ADAMTSL1: variants seen among roughly 807,000 people sequenced by gnomAD.
ADAMTSL1 encodes the protein ADAMTS-like protein 1.
Under a neutral mutation model 201.8 loss-of-function variants are expected in ADAMTSL1, and 126 were observed. The ratio of observed to expected loss-of-function variants is 0.62; its 90% confidence interval spans 0.54 to 0.72. The LOEUF is 0.72. Among genes scored for constraint, ADAMTSL1 ranks in the 30% least tolerant of loss-of-function variants. The pLI, the probability that ADAMTSL1 is intolerant of heterozygous loss-of-function variation, is 0.00. For missense variants in ADAMTSL1, 2,679 were observed against 2,277.8 expected, an observed-to-expected ratio of 1.18 and a Z score of -3.59; for synonymous variants, 1,121 against 903.4, an observed-to-expected ratio of 1.24 and a Z score of -4.32.
intron 2 of ADAMTSL1, among the ~76,000 whole-genome samples, chr9:18,460,639 G>A (rs954485208): frequency 2.0e-5 from 3 of 152,164 alleles, no homozygotes; most frequent in Non-Finnish European, 2.9e-5. Context: ...GTTTACACCA[G>A]GGTACTATCG....
chr9:18,368,294 C>T (rs915815572), intron 2 of ADAMTSL1, among the ~76,000 whole-genome samples: 1 of 152,138 alleles, frequency 6.6e-6, no homozygotes, highest in Non-Finnish European at 1.5e-5. Context: ...ATTGCCACTA[C>T]ACGACTTTCA....
intron 2 of ADAMTSL1, among the ~76,000 whole-genome samples, chr9:18,394,140 A>G (rs975560362): frequency 2.0e-5 from 3 of 151,740 alleles, no homozygotes; most frequent in Non-Finnish European, 2.9e-5. Flanking sequence ...TGTTGCTTTA[A>G]CTTTAAAAGT....
intron 1 of ADAMTSL1, among the ~76,000 whole-genome samples, chr9:17,994,009 G>T (rs545976581): frequency 4.0e-5 from 6 of 151,136 alleles, no homozygotes; most frequent in Admixed American, 3.3e-4. Context: ...TTTTTAATTC[G>T]ATTTTTTTTG....
chr9:18,405,255 C>T (rs1038497439), intron 2 of ADAMTSL1, among the ~76,000 whole-genome samples: 6 of 152,202 alleles, frequency 3.9e-5, no homozygotes, highest in Non-Finnish European at 8.8e-5. Context: ...CAAATACCTT[C>T]TATTCAGTGT....
At chr9:18,626,265 G>A (rs1826354196) in intron 5 of ADAMTSL1, among the ~76,000 whole-genome samples, 1 of 152,170 alleles carries the variant, frequency 6.6e-6, no homozygotes, top group Non-Finnish European at 1.5e-5. Flanking sequence ...AAACAAACCA[G>A]AGCAGGAGAA....
chr9:18,101,017 T>A (rs942100829), intron 1 of ADAMTSL1, among the ~76,000 whole-genome samples: 4 of 152,194 alleles, frequency 2.6e-5, no homozygotes, highest in African/African-American at 7.2e-5. Context: ...CATGGGGATA[T>A]GCTGTCACAT....
chr9:18,599,026 C>T (rs1373071221), intron 4 of ADAMTSL1, among the ~76,000 whole-genome samples: 1 of 152,088 alleles, frequency 6.6e-6, no homozygotes, highest in Non-Finnish European at 1.5e-5. Flanking sequence ...GGATTTCTGT[C>T]TCCTCCCTAC....
rs571364817 is a variant in ADAMTSL1, at chr9:18,209,525, A to G, written c.207+45544A>G. 1.1e-4 allele frequency among the ~76,000 whole-genome samples: 17 copies of G among 152,296 alleles called. 1 individual carries two copies. The South Asian group carries it at 2.7e-3, about 24-fold the overall frequency. On this transcript the variant is annotated intron_variant, in intron 2 of 29. Coordinates refer to the ADAMTSL1 transcript ENST00000680146. The stretch of plus-strand genomic sequence containing the variant: ...GTCTAGATTTAGTAAATGGAGCTTA[A>G]TTTTATAAAGCTAAAGGGAGGTCCC...
chr9:18,377,374 G>A lies in ADAMTSL1; in HGVS notation c.208-127455G>A, dbSNP rs547754566. Among the ~76,000 whole-genome samples the A allele has an allele frequency of 4.7e-4, 71 of 152,276 alleles. No homozygotes were observed. In the South Asian group the frequency reaches 0.014, roughly 31 times the overall value. On this transcript the variant is annotated intron_variant, in intron 2 of 29. Coordinates refer to the ADAMTSL1 transcript ENST00000680146. ...GTTTAAAGCATTCTTTCTGATAGTAGAATTATTGTCTACATCCAGATATCG... is the reference window on the plus strand; with the variant it reads ...GTTTAAAGCATTCTTTCTGATAGTAAAATTATTGTCTACATCCAGATATCG...
At chr9:18,192,963 A>G (rs923429916) in intron 2 of ADAMTSL1, among the ~76,000 whole-genome samples, 29 of 152,166 alleles carry the variant, frequency 1.9e-4, no homozygotes, top group African/African-American at 6.5e-4. Flanking sequence ...TAATATACAC[A>G]GGAACTATCT....
At chr9:18,138,950 A>G (rs969126696) in intron 1 of ADAMTSL1, among the ~76,000 whole-genome samples, 1 of 152,156 alleles carries the variant, frequency 6.6e-6, no homozygotes, top group South Asian at 2.1e-4. Flanking sequence ...ATGTGTGTGT[A>G]TGAGGAAGAC....
intron 23 of ADAMTSL1, among the ~76,000 whole-genome samples, chr9:18,878,816 T>C (rs1042564888): frequency 6.6e-6 from 1 of 152,178 alleles, no homozygotes; most frequent in Non-Finnish European, 1.5e-5. Context: ...CTATCTGCCA[T>C]TTTTCCCCTC....
chr9:18,545,687 C>A (rs1170759291), intron 3 of ADAMTSL1, among the ~76,000 whole-genome samples: 1 of 152,152 alleles, frequency 6.6e-6, no homozygotes, highest in East Asian at 1.9e-4. Flanking sequence ...TCAGAATTTA[C>A]TTTCTCAAGT....
chr9:18,663,159 T>C (rs1196541760), intron 9 of ADAMTSL1, among the ~76,000 whole-genome samples: 1 of 152,164 alleles, frequency 6.6e-6, no homozygotes, highest in Non-Finnish European at 1.5e-5. Context: ...TTGAGGTGTA[T>C]ATTCCTCTAC....
rs1350306335 is a variant in ADAMTSL1, at chr9:18,222,600, A to G, written c.207+58619A>G. ...TTTATCTCATAAATTAGTTATTAGC[A>G]TTGTATATTCCAATCAGTATTTGTT... On this transcript the variant is annotated intron_variant, in intron 2 of 29. Coordinates refer to the ADAMTSL1 transcript ENST00000680146. 4.1e-5 allele frequency among the ~76,000 whole-genome samples: 6 copies of G among 145,264 alleles called. No homozygotes were observed. In the South Asian group the frequency reaches 1.3e-3, roughly 31 times the overall value.
In ADAMTSL1 at chr9:18,721,517, C is replaced by T; in HGVS notation, c.1877-19C>T. The T allele has an allele frequency of 1.2e-6, 2 of 1,613,030 alleles. No individual in the cohort carries two copies. Among genetic ancestry groups the T allele is most frequent in the South Asian group, 1.1e-5 (1 of 90,922 alleles). ...ACACCCACTTTGCACTCTGGCCTGA[C>T]CGTGTGATTTGTACACAGGTGTCCA... is the stretch of plus-strand genomic sequence containing the variant. On this transcript the variant is annotated intron_variant, in intron 14 of 28. Coordinates refer to ENST00000380548, the MANE Select transcript of ADAMTSL1 (RefSeq NM_001040272.6).
In ADAMTSL1 at chr9:18,510,677, A is replaced by G. The variant is rs564937531; in HGVS notation, c.191+5721A>G. ...TTTACTAATTTTGTAAGGTTATATG[A>G]GGTTTTATTGAGTAACTCTTATAAT... On this transcript the variant is annotated intron_variant, in intron 2 of 28. Transcript: ENST00000380548. Among the ~76,000 whole-genome samples, 3 of 152,020 alleles carry G rather than the reference A, an allele frequency of 2.0e-5. No individual in the cohort carries two copies. The South Asian group carries it at 6.2e-4, about 32-fold the overall frequency.
intron 5 of ADAMTSL1, among the ~76,000 whole-genome samples, chr9:18,633,287 T>G (rs1326226886): frequency 6.6e-6 from 1 of 152,204 alleles, no homozygotes; most frequent in Non-Finnish European, 1.5e-5. Flanking sequence ...GCAAGGCGTT[T>G]AAAGCTCTGT....
chr9:18,545,065 C>T (rs1439811241), intron 3 of ADAMTSL1, among the ~76,000 whole-genome samples: 2 of 152,168 alleles, frequency 1.3e-5, no homozygotes, highest in African/African-American at 4.8e-5. Context: ...CAGATAAAGA[C>T]TGATTACATA....
Sources: allele counts gnomAD v4.1 joint callset (sites outside exome capture counted in the v4.1 genomes callset), GRCh38; gene constraint gnomAD v4.1.1; transcripts MANE v1.5; gene names NCBI Gene and HGNC (gene_info 2026-07-23, HGNC 2026-07-21).